The following FRMD4A variants were observed in gnomAD, a reference collection of about 807,000 sequenced individuals.
FRMD4A encodes FERM domain containing 4A.
A neutral mutation model predicts 129.1 loss-of-function variants in FRMD4A; 29 were observed. The observed-to-expected ratio is 0.22, with a 90% CI of 0.17 to 0.31. FRMD4A has a LOEUF of 0.31. FRMD4A is among the 10% of genes least tolerant of loss of function. The pLI is 1.00. For missense variants in FRMD4A, 1,272 were observed against 1,375.8 expected (o/e 0.92, Z 1.19); for synonymous variants, 634 against 571.6 (o/e 1.11, Z -1.56).
At chr10:13,859,606 T>G (rs1205879211) in intron 2 of FRMD4A, among the ~76,000 whole-genome samples, 1 of 152,212 alleles carries the variant, frequency 6.6e-6, no homozygotes, top group Non-Finnish European at 1.5e-5. Flanking sequence ...TGTACCCGCA[T>G]GCATTAGGGA....
At chr10:13,714,040 A>ATATTTTATATACATATATATATTT (rs1554859027) in intron 12 of FRMD4A, among the ~76,000 whole-genome samples, 1 of 37,116 alleles carries the variant, frequency 2.7e-5, no homozygotes, top group African/African-American at 9.5e-5. Flanking sequence ...ATATATATAT[A>ATATTTTATATACATATATATATTT]TATATATATA....
intron 17 of FRMD4A, 144 bp downstream of exon 17, chr10:13,670,262 C>T: frequency 1.3e-6 from 1 of 750,544 alleles, no homozygotes; most frequent in Non-Finnish European, 2.2e-6. Context: ...TACTGACCGG[C>T]CAGCTCACTC....
chr10:14,309,448 A>C (rs1332431750), intron 2 of FRMD4A, among the ~76,000 whole-genome samples: 1 of 152,120 alleles, frequency 6.6e-6, no homozygotes, highest in Admixed American at 6.5e-5. Context: ...AGACCTTGTC[A>C]CAAAAACAAA....
chr10:14,155,649 C>A (rs1304248052), intron 2 of FRMD4A, among the ~76,000 whole-genome samples: 1 of 152,126 alleles, frequency 6.6e-6, no homozygotes, highest in African/African-American at 2.4e-5. Flanking sequence ...ATGCCGCATA[C>A]AATGCAATGC....
At chr10:13,881,988 AGGGTGTGTGTGTGTGTGT>A (rs1298803581) in intron 2 of FRMD4A, among the ~76,000 whole-genome samples, 2 of 10,724 alleles carry the variant, frequency 1.9e-4, no homozygotes, top group East Asian at 1.6e-3. Context: ...GGGAGAGGCA[AGGGTGTGTGTGTGTGTGT>A]GTGTGTGTGT....
intron 2 of FRMD4A, among the ~76,000 whole-genome samples, chr10:14,022,417 A>G (rs532334583): frequency 1.3e-5 from 2 of 152,344 alleles, no homozygotes; most frequent in South Asian, 4.1e-4. Context: ...GATAGGCTTA[A>G]AAGAGAACTT....
chr10:13,667,626 G>GCAT (rs1372852447), intron 17 of FRMD4A: 2 of 152,380 alleles, frequency 1.3e-5, no homozygotes, highest in African/African-American at 4.8e-5. Flanking sequence ...TCATGCATGT[G>GCAT]TGCGTGAGGA....
chr10:14,319,528 A>G (rs1846893576), intron 2 of FRMD4A, among the ~76,000 whole-genome samples: 1 of 152,220 alleles, frequency 6.6e-6, no homozygotes. Flanking sequence ...ATTAATAGCA[A>G]AAATCACCAA....
chr10:14,105,018 C>T (rs951227482), intron 2 of FRMD4A, among the ~76,000 whole-genome samples: 2 of 152,208 alleles, frequency 1.3e-5, no homozygotes, highest in African/African-American at 2.4e-5. Context: ...GGGGTCCCCA[C>T]GCCGCAGGGC....
chr10:14,165,709 T>C (rs1162332876), intron 2 of FRMD4A, among the ~76,000 whole-genome samples: 1 of 152,110 alleles, frequency 6.6e-6, no homozygotes, highest in Non-Finnish European at 1.5e-5. Context: ...TGCAGCAACA[T>C]GGATGGAGCT....
chr10:13,857,078 T>C (rs1246566986), intron 3 of FRMD4A, among the ~76,000 whole-genome samples: 1 of 152,208 alleles, frequency 6.6e-6, no homozygotes, highest in African/African-American at 2.4e-5. Flanking sequence ...AACCACAAAT[T>C]TGACTTTTAA....
At chr10:13,884,196 T>TCACACTCACA (rs2094588235) in intron 2 of FRMD4A, among the ~76,000 whole-genome samples, 22 of 108,590 alleles carry the variant, frequency 2.0e-4, no homozygotes, top group African/African-American at 7.5e-4. Flanking sequence ...ACACACACAC[T>TCACACTCACA]CACACACACA....
rs541345188 is a variant in FRMD4A at position 13,890,795 on chromosome 10, G to A, written c.46-31883C>T. The A allele has an allele frequency of 5.1e-6, 5 of 985,288 alleles. No individual in the cohort carries two copies. In the African/African-American group the frequency reaches 8.7e-5, roughly 17 times the overall value. The allele number at this position is 985,288 out of a possible 1,614,324, so 61.0% of individuals were successfully genotyped here. A position where few individuals can be genotyped will look rare whatever the true frequency, so the allele number is the denominator to read the frequency against. ...TCTCAGCAAGCTGCACTTCCCGGGGGGCTGGCATGGCTGCATCGTTCAGAA... is the reference window on the plus strand; with the variant it reads ...TCTCAGCAAGCTGCACTTCCCGGGGAGCTGGCATGGCTGCATCGTTCAGAA... On this transcript the variant is annotated intron_variant, in intron 2 of 24. Coordinates refer to ENST00000357447, the MANE Select transcript of FRMD4A (RefSeq NM_018027.5).
chr10:14,201,677 A>T (rs1303433873), intron 2 of FRMD4A, among the ~76,000 whole-genome samples: 11 of 152,100 alleles, frequency 7.2e-5, no homozygotes, highest in Non-Finnish European at 1.5e-5. Context: ...GCCAAACCCA[A>T]CCTTCAAAAT....
At chr10:14,113,416 C>T (rs1838029646) in intron 2 of FRMD4A, among the ~76,000 whole-genome samples, 2 of 152,148 alleles carry the variant, frequency 1.3e-5, no homozygotes, top group African/African-American at 4.8e-5. Context: ...TTCTTAGCAA[C>T]ATTTTCTTTT....
At chr10:14,047,452 T>C (rs12250709) in intron 2 of FRMD4A, among the ~76,000 whole-genome samples, 21,116 of 152,100 alleles carry the variant, frequency 0.14, 1,829 homozygotes, top group African/African-American at 0.24. Context: ...TCATTTTCAG[T>C]CATTTAAGAG....
intron 2 of FRMD4A, among the ~76,000 whole-genome samples, chr10:14,205,732 G>T (rs1179519024): frequency 1.3e-5 from 2 of 148,942 alleles, no homozygotes. Flanking sequence ...ACTTGAAGCT[G>T]CGAGGTGGAG....
At chr10:14,187,966 T>C (rs958673359) in intron 2 of FRMD4A, among the ~76,000 whole-genome samples, 1 of 152,058 alleles carries the variant, frequency 6.6e-6, no homozygotes, top group Non-Finnish European at 1.5e-5. Context: ...CACAATACAA[T>C]TTTCCCATCT....
At chr10:13,724,524 G>A (rs943494972) in intron 12 of FRMD4A, among the ~76,000 whole-genome samples, 2 of 152,208 alleles carry the variant, frequency 1.3e-5, no homozygotes, top group African/African-American at 2.4e-5. Context: ...CTTTTGGAGC[G>A]AGCGAGGCTA....
Sources: gnomAD v4.1 joint callset for allele counts (sites outside exome capture counted in the v4.1 genomes callset) on GRCh38, gnomAD v4.1.1 for gene constraint, MANE v1.5 for transcripts, NCBI Gene and HGNC (gene_info 2026-07-23, HGNC 2026-07-21) for gene names.